SPICE1: variants seen among roughly 807,000 people sequenced by gnomAD.
SPICE1 encodes spindle and centriole associated protein 1, also known as spindle and centriole-associated protein 1.
In SPICE1, 75 loss-of-function variants were observed where a neutral mutation model predicts 102.7. The ratio of observed to expected loss-of-function variants is 0.73; its 90% CI spans 0.61 to 0.88. The LOEUF is 0.88. SPICE1 is among the 40% of genes least tolerant of loss of function. The probability of loss-of-function intolerance (pLI) is 0.00; values close to 1 mark genes in which losing one functional copy is unlikely to be tolerated. For synonymous variants in SPICE1, 308 were observed against 350.3 expected (o/e 0.88, Z 1.35); for missense variants, 979 against 1,020.1 (o/e 0.96, Z 0.55).
intron 7 of SPICE1, among the ~76,000 whole-genome samples, chr3:113,479,870 C>T (rs1415376535): frequency 1.3e-5 from 2 of 151,952 alleles, no homozygotes; most frequent in South Asian, 2.1e-4. Context: ...CAAAAAAATG[C>T]ACAACGAAGG....
rs747255675 is a variant in SPICE1, at chr3:113,457,393, C to G, written c.1436-36G>C. 3.1e-6 allele frequency: 5 copies of G among 1,594,908 alleles called. No individual in the cohort carries two copies. The South Asian group carries it at 5.6e-5, about 18-fold the overall frequency. On this transcript the variant is annotated intron_variant, in intron 12 of 17. Transcript: ENST00000295872. ...TGAGAGGATATTAGTACAATAGGAA[C>G]AAAAAGAAACTATGAGCACATTTCA...
chr3:113,465,802 A>G lies in SPICE1; in HGVS notation c.1156-18T>C, dbSNP rs755653621. 2 of 1,606,040 alleles carry G rather than the reference A, an allele frequency of 1.2e-6. No individual in the cohort carries two copies. The highest frequency in any genetic ancestry group is 1.7e-5 in the Admixed American group (1 of 58,384). ...ATCTCACTCTACAAAAAAATATCAA[A>G]TAAACTTCCACCAATAGCATCACAT... On this transcript the variant is annotated intron_variant, in intron 10 of 17. Transcript: ENST00000295872.
At chr3:113,466,363 A>G (rs6781118) in intron 10 of SPICE1, among the ~76,000 whole-genome samples, 150,281 of 152,314 alleles carry the variant, frequency 0.99, 74,171 homozygotes, top group Middle Eastern at 1. Context: ...ATCCCAGCAC[A>G]TTGGGAGGCC....
At position 113,442,771 on chromosome 3, in the gene SPICE1, T is replaced by C. The variant is rs1321369144; in HGVS notation, c.*2536A>G. 6.6e-6 allele frequency: 1 copy of C among 152,228 alleles called. No homozygotes were observed. Among genetic ancestry groups the C allele is most frequent in the Admixed American group, 6.5e-5 (1 of 15,278 alleles). 9.4% of individuals were successfully genotyped at this position (152,228 alleles called of 1,614,324 possible). Reference sequence around the variant, plus strand: ...TTTCCACAATGTTACACAAATACCATGCATTTATTTGCAATACTGAAATGT... The same window carrying C: ...TTTCCACAATGTTACACAAATACCACGCATTTATTTGCAATACTGAAATGT... On this transcript the variant is annotated 3_prime_UTR_variant, in exon 18 of 18. Transcript: ENST00000295872.
At chr3:113,495,222 C>T (rs928954698) in intron 4 of SPICE1, among the ~76,000 whole-genome samples, 1 of 152,162 alleles carries the variant, frequency 6.6e-6, no homozygotes, top group Non-Finnish European at 1.5e-5. Flanking sequence ...AGATGGCATT[C>T]TCAAGTTAAA....
rs377502858 is a variant in SPICE1 at position 113,471,836 on chromosome 3, C to T, written c.612-2598G>A. On this transcript the variant is annotated intron_variant, in intron 7 of 17. Coordinates refer to ENST00000295872, the MANE Select transcript of SPICE1 (RefSeq NM_144718.4). The stretch of plus-strand genomic sequence containing the variant: ...CAAGGTGGCCGAATAGGAACAGCTC[C>T]GGTCTACAGCTCCCAGCGTGAGTGA... Among the ~76,000 whole-genome samples the T allele has an allele frequency of 4.6e-5, 7 of 152,272 alleles. No individual in the cohort carries two copies. In the South Asian group the frequency reaches 6.2e-4, roughly 14 times the overall value.
intron 13 of SPICE1, among the ~76,000 whole-genome samples, chr3:113,454,509 G>A (rs138393688): frequency 6.6e-6 from 1 of 152,200 alleles, no homozygotes; most frequent in African/African-American, 2.4e-5. Context: ...AGGAGTTCGA[G>A]ATCAGCCTGG....
At chr3:113,495,835 A>T (rs1217582586) in intron 4 of SPICE1, among the ~76,000 whole-genome samples, 4 of 152,192 alleles carry the variant, frequency 2.6e-5, no homozygotes, top group South Asian at 2.1e-4. Flanking sequence ...TTTTAAAAGC[A>T]TTGACCTATC....
intron 7 of SPICE1, among the ~76,000 whole-genome samples, chr3:113,472,245 T>A (rs989167216): frequency 2.6e-5 from 4 of 152,230 alleles, no homozygotes; most frequent in Admixed American, 1.3e-4. Context: ...GCACCCGCCA[T>A]TGCCCAGGCT....
chr3:113,471,983 A>G (rs1390402334), intron 7 of SPICE1, among the ~76,000 whole-genome samples: 1 of 152,196 alleles, frequency 6.6e-6, no homozygotes, highest in Non-Finnish European at 1.5e-5. Context: ...GAAGCAGGGC[A>G]AGGCATTGCC....
chr3:113,506,890 TA>T (rs1307514652), intron 1 of SPICE1, among the ~76,000 whole-genome samples: 14 of 152,194 alleles, frequency 9.2e-5, no homozygotes, highest in African/African-American at 3.4e-4. Context: ...AGCCGAGAAC[TA>T]AGACATTCGT....
intron 2 of SPICE1, among the ~76,000 whole-genome samples, chr3:113,505,767 G>T (rs1160952898): frequency 6.6e-6 from 1 of 151,274 alleles, no homozygotes; most frequent in African/African-American, 2.4e-5. Flanking sequence ...TTAGCCAGGG[G>T]TGGTGGTGCA....
intron 7 of SPICE1, among the ~76,000 whole-genome samples, chr3:113,476,211 G>C (rs533155508): frequency 0.017 from 2,488 of 150,350 alleles, 99 homozygotes; most frequent in African/African-American, 0.05. Flanking sequence ...AAAATACCTA[G>C]GAATCCAACT....
At chr3:113,508,674 G>T (rs1385632521) in intron 1 of SPICE1, among the ~76,000 whole-genome samples, 1 of 152,190 alleles carries the variant, frequency 6.6e-6, no homozygotes, top group African/African-American at 2.4e-5. Flanking sequence ...GTAAAATAGT[G>T]TGGGCACTTT....
intron 3 of SPICE1, among the ~76,000 whole-genome samples, chr3:113,500,687 T>C (rs1041757921): frequency 2.0e-5 from 3 of 152,278 alleles, no homozygotes; most frequent in East Asian, 1.9e-4. Context: ...GAACAGTACA[T>C]AGTAGTTATT....
intron 15 of SPICE1, 146 bp from the exon 16 acceptor site, chr3:113,448,286 A>G: frequency 1.6e-6 from 1 of 627,454 alleles, no homozygotes; most frequent in South Asian, 3.8e-5. Flanking sequence ...CACTTGAAAG[A>G]CTTTTTTTTT....
Position 113,507,093 on chromosome 3 carries a change from T to C in SPICE1, c.1-488A>G, listed in dbSNP as rs79947578. 4.4e-3 allele frequency among the ~76,000 whole-genome samples: 676 copies of C among 152,350 alleles called. 3 individuals carry two copies. Among genetic ancestry groups the C allele is most frequent in the African/African-American group, 0.015 (639 of 41,590 alleles). On this transcript the variant is annotated intron_variant, in intron 1 of 17. Coordinates refer to ENST00000295872, the MANE Select transcript of SPICE1 (RefSeq NM_144718.4). The stretch of plus-strand genomic sequence containing the variant: ...CTTGAAAATAAAAGTAGCTAAACTT[T>C]AGAGAACAAATGAGGTATGATATCA...
intron 7 of SPICE1, among the ~76,000 whole-genome samples, chr3:113,473,451 C>A (rs2107471021): frequency 6.6e-6 from 1 of 152,250 alleles, no homozygotes; most frequent in African/African-American, 2.4e-5. Context: ...CAAAGATACT[C>A]CTCGAGAAGA....
chr3:113,469,229 T>C lies in SPICE1; in HGVS notation c.621A>G (p.Gln207=), dbSNP rs143757797. 1.1e-3 allele frequency: 1,727 copies of C among 1,567,554 alleles called. 8 individuals are homozygous for C. The highest frequency in any genetic ancestry group is 8.0e-4 in the Non-Finnish European group (926 of 1,155,222). Residue 207 remains glutamine, a synonymous_variant, in exon 8 of 18, where the codon CAA becomes CAG. Coordinates refer to ENST00000295872, the MANE Select transcript of SPICE1 (RefSeq NM_144718.4). ...ACTCAAAATTCTCTTCTGTTAGTTG[T>C]TGGAGAAACCTATAAATTACAGGAC... ...QSNTNTDRFL[Q]QLTEENFELI...
Sources: gnomAD v4.1 joint callset for allele counts (sites outside exome capture counted in the v4.1 genomes callset) on GRCh38, gnomAD v4.1.1 for gene constraint, MANE v1.5 for transcripts, NCBI Gene and HGNC (gene_info 2026-07-23, HGNC 2026-07-21) for gene names.